The following PTPRU variants were observed in gnomAD, a reference collection of about 807,000 sequenced individuals.
PTPRU encodes receptor-type tyrosine-protein phosphatase U.
In PTPRU, 69 loss-of-function variants were observed where a neutral mutation model predicts 166.3. The observed-to-expected ratio is 0.41, with a 90% confidence interval of 0.34 to 0.51. The LOEUF is 0.51. PTPRU is among the 20% of genes least tolerant of loss of function. The pLI, the probability that PTPRU is intolerant of heterozygous loss-of-function variation, is 0.09. For missense variants in PTPRU, 1,657 were observed against 2,013.7 expected, an observed-to-expected ratio of 0.82 and a Z score of 3.39; for synonymous variants, 793 against 814.0, an observed-to-expected ratio of 0.97 and a Z score of 0.44.
At chr1:29,308,405 A>G (rs1687495830) in intron 18 of PTPRU, among the ~76,000 whole-genome samples, 1 of 151,478 alleles carries the variant, frequency 6.6e-6, no homozygotes, top group Non-Finnish European at 1.5e-5. Context: ...TGCCTCTACA[A>G]AAAATACAAA....
Position 29,326,703 on chromosome 1 carries a change from G to A in PTPRU, c.*1042G>A, listed in dbSNP as rs1211338495. 6.6e-6 allele frequency: 1 copy of A among 152,254 alleles called. No individual in the cohort carries two copies. 9.4% of individuals were successfully genotyped at this position (152,254 alleles called of 1,614,324 possible). ...GCCTCAATTTCCCCATCTGTAAACT[G>A]TAGATATGACTACTGACCTACCTCG... is the stretch of plus-strand genomic sequence containing the variant. On this transcript the variant is annotated 3_prime_UTR_variant, in exon 30 of 30. Coordinates refer to ENST00000373779, the MANE Select transcript of PTPRU (RefSeq NM_133178.4).
At chr1:29,241,953 A>C (rs1327807089) in intron 1 of PTPRU, among the ~76,000 whole-genome samples, 1 of 139,026 alleles carries the variant, frequency 7.2e-6, no homozygotes, top group Non-Finnish European at 1.6e-5. Flanking sequence ...GTGCAATGGC[A>C]TGATCTCGGC....
At chr1:29,243,754 C>T (rs1367176121) in intron 1 of PTPRU, among the ~76,000 whole-genome samples, 2 of 152,206 alleles carry the variant, frequency 1.3e-5, no homozygotes, top group East Asian at 1.9e-4. Flanking sequence ...AGGGCCTATA[C>T]GTGGGAGATG....
chr1:29,255,181 G>C (rs984473139), intron 1 of PTPRU, 94 bp from the exon 2 acceptor site: 7 of 1,432,194 alleles, frequency 4.9e-6, no homozygotes, highest in Non-Finnish European at 6.6e-6. Flanking sequence ...GGGCAGGTGG[G>C]CCTGGGTAGA....
intron 7 of PTPRU, among the ~76,000 whole-genome samples, chr1:29,270,827 T>G (rs1685529435): frequency 6.6e-6 from 1 of 152,022 alleles, no homozygotes; most frequent in Non-Finnish European, 1.5e-5. Context: ...ATTAACCAGG[T>G]GCATGGTGGC....
At chr1:29,307,883 C>A (rs1017480773) in intron 18 of PTPRU, among the ~76,000 whole-genome samples, 1 of 151,606 alleles carries the variant, frequency 6.6e-6, no homozygotes, top group African/African-American at 2.4e-5. Context: ...GCCTCAGCCT[C>A]CCAAGTAGCT....
chr1:29,260,873 C>A lies in PTPRU; in HGVS notation c.1114C>A (p.Pro372Thr). The change falls in exon 7 of 30, where the codon CCA becomes ACA. Residue 372 changes from proline to threonine, a missense_variant. Pro to Thr is a conservative substitution (Grantham distance 38). Coordinates refer to ENST00000373779, the MANE Select transcript of PTPRU (RefSeq NM_133178.4). This position sits in a 1 kb window ranked among gnomAD's most constrained non-coding sequence, Gnocchi z 8.3. The stretch of plus-strand genomic sequence containing the variant: ...AGACGGCGGCACTGGCCGCCCTGGG[C>A]CACCCCTCATCAGCCGCACCAAATG... ...PGDGGTGRPG[P>T]PLISRTKCAE... is the part of the protein sequence containing the mutation. 1 of 1,592,890 alleles carries A rather than the reference C, an allele frequency of 6.3e-7. No individual in the cohort carries two copies. The highest frequency in any genetic ancestry group is 1.1e-5 in the South Asian group (1 of 88,938).
At chr1:29,323,605 C>A (rs762519287) in intron 27 of PTPRU, 26 bp from the exon 28 acceptor site, 2 of 1,613,508 alleles carry the variant, frequency 1.2e-6, no homozygotes, top group Non-Finnish European at 1.7e-6. Context: ...CTCATGTCCT[C>A]CCTGGCTGGC....
At chr1:29,272,195 C>T (rs568704231) in intron 7 of PTPRU, among the ~76,000 whole-genome samples, 67 of 152,304 alleles carry the variant, frequency 4.4e-4, no homozygotes, top group African/African-American at 1.6e-3. Flanking sequence ...TTAGAAAAAT[C>T]TCTATGGGCC....
intron 15 of PTPRU, among the ~76,000 whole-genome samples, chr1:29,298,173 G>T (rs897945809): frequency 1.3e-5 from 2 of 151,600 alleles, no homozygotes; most frequent in African/African-American, 4.8e-5. Flanking sequence ...CACAAGAATT[G>T]CTTGAACCTG....
rs1684838343 is a variant in PTPRU at position 29,257,785 on chromosome 1, AG to A, written c.206-717del. 6.6e-6 allele frequency among the ~76,000 whole-genome samples: 1 copy of A among 152,018 alleles called. No individual in the cohort carries two copies. The highest frequency in any genetic ancestry group is 2.1e-4 in the South Asian group (1 of 4,814). On this transcript the variant is annotated intron_variant, in intron 2 of 29. Transcript: ENST00000373779. The surrounding 1 kb of genome is among the most constrained non-coding windows in gnomAD (Gnocchi z 4.6). ...GACCCAGGGGGCAGGAGAGAAGCCCAGGGTGGGAGGCAGAGGGAGGGCTTTG... is the reference window on the plus strand; with the variant it reads ...GACCCAGGGGGCAGGAGAGAAGCCCAGGTGGGAGGCAGAGGGAGGGCTTTG...
In PTPRU at chr1:29,317,940, G is replaced by T; in HGVS notation, c.3687+19G>T. 1 of 1,612,642 alleles carries T rather than the reference G, an allele frequency of 6.2e-7. No individual in the cohort carries two copies. Among genetic ancestry groups the T allele is most frequent in the Non-Finnish European group, 8.5e-7 (1 of 1,179,628 alleles). Reference sequence around the variant, plus strand: ...GACTGACGTGAGAGCTTGGGGTGGAGTGGGCTCTGGGGCTCCCCTTCCCAG... The same window carrying T: ...GACTGACGTGAGAGCTTGGGGTGGATTGGGCTCTGGGGCTCCCCTTCCCAG... On this transcript the variant is annotated intron_variant, in intron 25 of 29. Coordinates refer to ENST00000373779, the MANE Select transcript of PTPRU (RefSeq NM_133178.4). The surrounding 1 kb of genome is among the most constrained non-coding windows in gnomAD (Gnocchi z 5.6).
In PTPRU at chr1:29,311,435, A is replaced by C. The variant is rs576440805; in HGVS notation, c.2858-21A>C. ...TGGAGACCTTGTCTCAGGGACAGGC[A>C]CCCTCTGCCTGCATCCCCAGGGCCG... On this transcript the variant is annotated intron_variant, in intron 19 of 29. Transcript: ENST00000373779. This position sits in a 1 kb window ranked among gnomAD's most constrained non-coding sequence, Gnocchi z 4.1. 6.2e-7 allele frequency: 1 copy of C among 1,612,730 alleles called. No homozygotes were observed. Among genetic ancestry groups the C allele is most frequent in the African/African-American group, 1.3e-5 (1 of 74,994 alleles).
rs35221174 is a variant in PTPRU, at chr1:29,258,617, G to A, written c.318G>A (p.Leu106=). Residue 106 remains leucine, a synonymous_variant, in exon 3 of 30, where the codon CTG becomes CTA. Coordinates refer to ENST00000373779, the MANE Select transcript of PTPRU (RefSeq NM_133178.4). ...ACTGTGTGCAGTTCAGCTACTTCCT[G>A]TACAGCCGGGACGGGCACAGCCCGG... ...DTHCVQFSYF[L]YSRDGHSPGT... 33 of 1,614,148 alleles carry A rather than the reference G, an allele frequency of 2.0e-5. No homozygotes were observed. The highest frequency in any genetic ancestry group is 2.5e-5 in the Non-Finnish European group (30 of 1,180,054).
Position 29,279,017 on chromosome 1 carries a change from A to G in PTPRU, c.1459A>G (p.Ser487Gly). The G allele has an allele frequency of 1.3e-6, 2 of 1,581,770 alleles. No individual in the cohort carries two copies. The highest frequency in any genetic ancestry group is 1.7e-6 in the Non-Finnish European group (2 of 1,163,282). The change falls in exon 9 of 30, where the codon AGT (serine) becomes GGT (glycine). Residue 487 changes from serine (S) to glycine (G), a missense_variant. By Grantham distance (56) the Ser-to-Gly change is moderately conservative. Around this residue, in one of 3 missense-constraint regions of PTPRU, gnomAD observed 1,190 missense variants for 1,477.4 expected, o/e 0.81. Coordinates refer to ENST00000373779, the MANE Select transcript of PTPRU (RefSeq NM_133178.4). The surrounding 1 kb of genome is among the most constrained non-coding windows in gnomAD (Gnocchi z 5.2). ...CTGCTGCCTTTCCCTTGCAGTGCCC[A>G]GTGGGATTGCAGCCGAGTCCCTGAC... ...VTFQTDEDVP[S>G]GIAAESLTFT...
At chr1:29,294,632 G>A (rs1203425298) in intron 15 of PTPRU, among the ~76,000 whole-genome samples, 2 of 152,054 alleles carry the variant, frequency 1.3e-5, no homozygotes, top group Non-Finnish European at 2.9e-5. Flanking sequence ...GTTTTTTAAA[G>A]AAGTTTTCCC....
Position 29,275,761 on chromosome 1 carries a change from G to A in PTPRU, c.1453+5G>A, listed in dbSNP as rs1553121834. 2 of 1,612,658 alleles carry A rather than the reference G, an allele frequency of 1.2e-6. No homozygotes were observed. Among genetic ancestry groups the A allele is most frequent in the South Asian group, 2.2e-5 (2 of 90,996 alleles). ...CTTTCCAGACGGATGAGGATGGTAA[G>A]AGTCTCAGTCCCAATTCCCGGGGCC... On this transcript the variant is annotated splice_donor_5th_base_variant and intron_variant, in intron 8 of 29. Coordinates refer to ENST00000373779, the MANE Select transcript of PTPRU (RefSeq NM_133178.4).
intron 18 of PTPRU, among the ~76,000 whole-genome samples, chr1:29,308,933 G>A (rs970344559): frequency 9.9e-5 from 15 of 152,172 alleles, no homozygotes; most frequent in Non-Finnish European, 1.9e-4. Flanking sequence ...GGAGGTTGAG[G>A]TGGGAGGATT....
At chr1:29,305,905 G>A (rs900737637) in intron 18 of PTPRU, among the ~76,000 whole-genome samples, 7 of 152,172 alleles carry the variant, frequency 4.6e-5, no homozygotes, top group African/African-American at 7.2e-5. Context: ...TATCCAGCAC[G>A]TACTGAGTGC....
Sources: allele counts gnomAD v4.1 joint callset (sites outside exome capture counted in the v4.1 genomes callset), GRCh38; gene constraint gnomAD v4.1.1; regional missense constraint gnomAD v4.1.1; non-coding constraint Gnocchi (gnomAD v3.1); transcripts MANE v1.5; gene names NCBI Gene and HGNC (gene_info 2026-07-23, HGNC 2026-07-21).